The following ANKRD29 variants were observed in gnomAD, a reference collection of about 807,000 sequenced individuals.
ANKRD29 encodes ankyrin repeat domain 29.
In ANKRD29, 32 loss-of-function variants were observed where a neutral mutation model predicts 38.0. The ratio of observed to expected loss-of-function variants is 0.84; its 90% CI spans 0.64 to 1.13. The LOEUF (loss-of-function observed/expected upper bound fraction) is 1.13. Ranked by LOEUF, ANKRD29 falls within the 50% of genes most tolerant of loss-of-function variation. ANKRD29 has a pLI of 0.00. For synonymous variants in ANKRD29, 135 were observed against 152.4 expected, an observed-to-expected ratio of 0.89 and a Z score of 0.84; for missense variants, 357 against 377.9, an observed-to-expected ratio of 0.94 and a Z score of 0.46.
chr18:23,611,307 A>G (rs575513969), intron 9 of ANKRD29, among the ~76,000 whole-genome samples: 2 of 152,324 alleles, frequency 1.3e-5, no homozygotes, highest in African/African-American at 4.8e-5. Context: ...TTTAGGGTAC[A>G]TCTTAGATGA....
intron 3 of ANKRD29, 37 bp downstream of exon 3, chr18:23,646,152 C>T: frequency 6.3e-7 from 1 of 1,590,528 alleles, no homozygotes; most frequent in Non-Finnish European, 8.6e-7. Flanking sequence ...GATCTCTGAG[C>T]CTGGTCATTT....
intron 8 of ANKRD29, 71 bp downstream of exon 8, chr18:23,617,661 C>T (rs908458818): frequency 3.1e-6 from 4 of 1,302,944 alleles, no homozygotes; most frequent in Admixed American, 1.8e-5. Context: ...AAATTCGACA[C>T]AGTCCCCAAG....
chr18:23,636,867 C>A (rs2060009758), intron 4 of ANKRD29, among the ~76,000 whole-genome samples: 1 of 152,190 alleles, frequency 6.6e-6, no homozygotes, highest in Non-Finnish European at 1.5e-5. Context: ...TGCCCAGCCT[C>A]TTTTATTTTA....
intron 8 of ANKRD29, among the ~76,000 whole-genome samples, chr18:23,616,812 CAAT>C (rs1476566861): frequency 6.8e-6 from 1 of 146,312 alleles, no homozygotes; most frequent in South Asian, 2.1e-4. Flanking sequence ...TTAATATAAT[CAAT>C]AATATAATTA....
intron 9 of ANKRD29, among the ~76,000 whole-genome samples, chr18:23,607,548 C>T (rs1013926310): frequency 6.6e-6 from 1 of 152,170 alleles, no homozygotes; most frequent in Non-Finnish European, 1.5e-5. Context: ...CATGAATGTC[C>T]ATATCCTCTG....
chr18:23,632,548 T>TATATATATATATATATA (rs1555655824), intron 5 of ANKRD29, among the ~76,000 whole-genome samples: 1 of 148,120 alleles, frequency 6.8e-6, no homozygotes, highest in African/African-American at 2.5e-5. Context: ...TATATATATA[T>TATATATATATATATATA]TACACACTCT....
At chr18:23,614,974 C>T (rs1418237164) in intron 8 of ANKRD29, among the ~76,000 whole-genome samples, 2 of 152,156 alleles carry the variant, frequency 1.3e-5, no homozygotes, top group African/African-American at 4.8e-5. Flanking sequence ...CAGGGGTCAG[C>T]AAACCACAGC....
At chr18:23,658,561 G>A (rs1411883704) in intron 1 of ANKRD29, among the ~76,000 whole-genome samples, 1 of 152,210 alleles carries the variant, frequency 6.6e-6, no homozygotes, top group African/African-American at 2.4e-5. Flanking sequence ...GCTGGAACTA[G>A]CTAAAACTTT....
intron 7 of ANKRD29, 34 bp downstream of exon 7, chr18:23,619,497 C>T (rs1306729964): frequency 6.5e-7 from 1 of 1,544,602 alleles, no homozygotes; most frequent in East Asian, 2.3e-5. Flanking sequence ...CGCCGGGAGG[C>T]TTCGCTCTTT....
chr18:23,656,092 C>CAAA (rs1288367761), intron 1 of ANKRD29, among the ~76,000 whole-genome samples: 1 of 64,474 alleles, frequency 1.6e-5, no homozygotes, highest in African/African-American at 4.7e-5. Context: ...GACTCCGTCT[C>CAAA]AAAAAAAAAA....
Position 23,645,893 on chromosome 18 carries a change from C to T in ANKRD29, c.231+296G>A, listed in dbSNP as rs141357865. Among the ~76,000 whole-genome samples, 127 of 152,168 alleles carry T rather than the reference C, an allele frequency of 8.3e-4. No homozygotes were observed. The Middle Eastern group carries it at 0.01, about 12-fold the overall frequency. Reference sequence around the variant, plus strand: ...AAATGCTATAAATCCTACAGTATCTCATCCCAAGGGAGTAATAAAGAACTG... The same window carrying T: ...AAATGCTATAAATCCTACAGTATCTTATCCCAAGGGAGTAATAAAGAACTG... On this transcript the variant is annotated intron_variant, in intron 3 of 9. Coordinates refer to ENST00000592179, the MANE Select transcript of ANKRD29 (RefSeq NM_173505.4).
intron 7 of ANKRD29, 78 bp downstream of exon 7, chr18:23,619,453 G>A: frequency 7.4e-7 from 1 of 1,357,344 alleles, no homozygotes; most frequent in Non-Finnish European, 9.8e-7. Context: ...GTGGGCTGCA[G>A]ACTCAGTCAA....
In ANKRD29 at chr18:23,600,538, C is replaced by T. The variant is rs149421230; in HGVS notation, c.*688G>A. On this transcript the variant is annotated 3_prime_UTR_variant, in exon 10 of 10. Coordinates refer to ENST00000592179, the MANE Select transcript of ANKRD29 (RefSeq NM_173505.4). ...TAACCTACCTACAATGTTGACTCTA[C>T]GTAAAATTGATTTTTACATGTCAGG... The T allele has an allele frequency of 4.1e-4, 63 of 152,674 alleles. No homozygotes were observed. The highest frequency in any genetic ancestry group is 1.2e-3 in the African/African-American group (51 of 41,538). 9.5% of individuals were successfully genotyped at this position (152,674 alleles called of 1,614,324 possible). A position where few individuals can be genotyped will look rare whatever the true frequency, so the allele number is the denominator to read the frequency against.
At position 23,655,356 on chromosome 18, in the gene ANKRD29, C is replaced by T. The variant is rs560048407; in HGVS notation, c.22-6163G>A. Among the ~76,000 whole-genome samples, 4 of 152,252 alleles carry T rather than the reference C, an allele frequency of 2.6e-5. No homozygotes were observed. The East Asian group carries it at 7.7e-4, about 29-fold the overall frequency. ...GTTCATAAGATTCACAAAACAGACTCTTTGTAGAATAAGATACCCACTCCA... is the reference window on the plus strand; with the variant it reads ...GTTCATAAGATTCACAAAACAGACTTTTTGTAGAATAAGATACCCACTCCA... On this transcript the variant is annotated intron_variant, in intron 1 of 9. Coordinates refer to ENST00000592179, the MANE Select transcript of ANKRD29 (RefSeq NM_173505.4).
At position 23,617,776 on chromosome 18, in the gene ANKRD29, T is replaced by C; in HGVS notation, c.679A>G (p.Ile227Val). ...KAANKGYNDVIKELLKFSPTL... is the reference protein window; with the variant it reads ...KAANKGYNDVVKELLKFSPTL... ...GGTGAGAATTTAAGCAACTCTTTTA[T>C]GACATCATTATACCCTTTGTTGGCT... Residue 227 changes from isoleucine (I) to valine (V), a missense_variant, in exon 8 of 10, where the codon ATA becomes GTA. Physicochemically the swap from Ile to Val is conservative, Grantham distance 29 (BLOSUM62 3). Transcript: ENST00000592179. The C allele has an allele frequency of 6.2e-7, 1 of 1,614,162 alleles. No homozygotes were observed.
chr18:23,652,503 T>C (rs1156869897), intron 1 of ANKRD29, among the ~76,000 whole-genome samples: 1 of 152,162 alleles, frequency 6.6e-6, no homozygotes, highest in East Asian at 1.9e-4. Context: ...CCTCTCCAGC[T>C]AAGATGGAAA....
intron 6 of ANKRD29, among the ~76,000 whole-genome samples, chr18:23,628,536 A>G (rs1437001603): frequency 6.6e-6 from 1 of 152,200 alleles, no homozygotes; most frequent in Non-Finnish European, 1.5e-5. Context: ...ATGTTTTGTT[A>G]AAAATAAATT....
chr18:23,652,499 C>T (rs370231109), intron 1 of ANKRD29, among the ~76,000 whole-genome samples: 2 of 152,180 alleles, frequency 1.3e-5, no homozygotes. Context: ...AGCTCCTCTC[C>T]AGCTAAGATG....
chr18:23,626,669 A>T (rs1252117551), intron 6 of ANKRD29, among the ~76,000 whole-genome samples: 2 of 152,232 alleles, frequency 1.3e-5, no homozygotes, highest in Non-Finnish European at 2.9e-5. Flanking sequence ...GGCTATGACT[A>T]GATTTGGGAT....
Sources: allele counts gnomAD v4.1 joint callset (sites outside exome capture counted in the v4.1 genomes callset), GRCh38; gene constraint gnomAD v4.1.1; transcripts MANE v1.5; gene names NCBI Gene and HGNC (gene_info 2026-07-23, HGNC 2026-07-21).